SETBP1: variants seen among roughly 807,000 people sequenced by gnomAD.
SETBP1 encodes the protein SET-binding protein.
In SETBP1, 9 loss-of-function variants were observed where a neutral mutation model predicts 101.0. The ratio of observed to expected loss-of-function variants is 0.09; its 90% CI spans 0.05 to 0.16. The LOEUF (loss-of-function observed/expected upper bound fraction) is 0.16, where lower values mean the gene tolerates loss of function less well. Ranked by LOEUF, SETBP1 falls within the 10% of genes least tolerant of loss-of-function variation. The pLI is 1.00. For missense variants in SETBP1, 1,858 were observed against 2,033.8 expected (o/e 0.91, Z 1.66); for synonymous variants, 818 against 788.5 (o/e 1.04, Z -0.63).
At chr18:44,828,121 T>A (rs1414399176) in intron 2 of SETBP1, among the ~76,000 whole-genome samples, 2 of 152,208 alleles carry the variant, frequency 1.3e-5, no homozygotes, top group African/African-American at 4.8e-5. Flanking sequence ...AATATTGCCA[T>A]TGTTCAAACT....
intron 4 of SETBP1, among the ~76,000 whole-genome samples, chr18:45,009,279 G>T (rs574501295): frequency 6.6e-6 from 1 of 151,552 alleles, no homozygotes; most frequent in African/African-American, 2.4e-5. Flanking sequence ...CTGTGGCAAC[G>T]CAGTGTACGC....
intron 2 of SETBP1, among the ~76,000 whole-genome samples, chr18:44,744,992 A>G (rs1166636553): frequency 2.6e-5 from 4 of 152,056 alleles, no homozygotes; most frequent in Non-Finnish European, 4.4e-5. Flanking sequence ...GCTGGCGGGC[A>G]GGCTGTCCGG....
intron 5 of SETBP1, among the ~76,000 whole-genome samples, chr18:45,050,587 A>G (rs2073705602): frequency 6.6e-6 from 1 of 152,232 alleles, no homozygotes; most frequent in Admixed American, 6.5e-5. Flanking sequence ...TTCATGAGAC[A>G]ATCAGGAAAT....
At chr18:44,761,985 A>AT (rs1265745940) in intron 2 of SETBP1, among the ~76,000 whole-genome samples, 6 of 152,018 alleles carry the variant, frequency 3.9e-5, no homozygotes, top group African/African-American at 1.5e-4. Flanking sequence ...ACCTGGCCCC[A>AT]TTGTTGTACC....
At chr18:44,780,642 T>G (rs2071108526) in intron 2 of SETBP1, among the ~76,000 whole-genome samples, 1 of 152,240 alleles carries the variant, frequency 6.6e-6, no homozygotes, top group Non-Finnish European at 1.5e-5. Flanking sequence ...TTTGGAAAAC[T>G]GGCTGATTGC....
chr18:44,769,310 C>G (rs1380725659), intron 2 of SETBP1, among the ~76,000 whole-genome samples: 1 of 152,210 alleles, frequency 6.6e-6, no homozygotes. Flanking sequence ...TAGCCTGAAA[C>G]AAGTCTTTAC....
chr18:44,875,913 G>A (rs2069392676), intron 3 of SETBP1, among the ~76,000 whole-genome samples: 1 of 152,124 alleles, frequency 6.6e-6, no homozygotes, highest in Non-Finnish European at 1.5e-5. Flanking sequence ...AATTAGATTT[G>A]TCTCTACAGT....
At chr18:44,937,320 T>G (rs1032283209) in intron 3 of SETBP1, among the ~76,000 whole-genome samples, 6 of 150,824 alleles carry the variant, frequency 4.0e-5, no homozygotes, top group Non-Finnish European at 7.4e-5. Context: ...CCGGGCGTAG[T>G]GGCGGGCGCC....
chr18:44,812,019 G>C (rs1282035174), intron 2 of SETBP1, among the ~76,000 whole-genome samples: 1 of 152,186 alleles, frequency 6.6e-6, no homozygotes, highest in African/African-American at 2.4e-5. Flanking sequence ...CATCTGACTG[G>C]GTGGCCTGAG....
At position 44,950,183 on chromosome 18, in the gene SETBP1, C is replaced by A. The variant is rs770296814; in HGVS notation, c.843C>A (p.Asn281Lys). The change falls in exon 4 of 6, where the codon AAC becomes AAA. Residue 281 changes from asparagine to lysine, a missense_variant. Coordinates refer to ENST00000649279, the MANE Select transcript of SETBP1 (RefSeq NM_015559.3). ...CGTGGAGTCAGTTGTCTAACAATAA[C>A]AAAGATCTGCTCTTGGGAGGTGTGG... Reference protein sequence around the residue: ...GNTWSQLSNNNKDLLLGGVAP... With the variant: ...GNTWSQLSNNKKDLLLGGVAP... The A allele has an allele frequency of 5.0e-6, 8 of 1,613,788 alleles. No individual in the cohort carries two copies. The highest frequency in any genetic ancestry group is 6.8e-6 in the Non-Finnish European group (8 of 1,180,040).
intron 2 of SETBP1, among the ~76,000 whole-genome samples, chr18:44,714,745 G>T (rs1599024563): frequency 1.3e-5 from 2 of 151,894 alleles, no homozygotes; most frequent in South Asian, 4.2e-4. Context: ...GTAGGGTATA[G>T]AAAGATGTTG....
rs2071563569 is a variant in SETBP1 at position 44,799,788 on chromosome 18, AATACTT to A, written c.487-69441_487-69436del. On this transcript the variant is annotated intron_variant, in intron 2 of 5. Transcript: ENST00000649279. ...CCAGCATGGAGGAAGCTGGGAAAAC[AATACTT>A]CTGACCTCACTCACCTCCCTTTTGT... 2.6e-5 allele frequency among the ~76,000 whole-genome samples: 4 copies of A among 152,260 alleles called. 1 individual carries two copies. In the South Asian group the frequency reaches 8.3e-4, roughly 32 times the overall value.
intron 2 of SETBP1, among the ~76,000 whole-genome samples, chr18:44,746,350 A>G (rs1175628743): frequency 6.6e-6 from 1 of 152,252 alleles, no homozygotes; most frequent in Non-Finnish European, 1.5e-5. Flanking sequence ...GCACATAATA[A>G]GCACTCAATA....
At chr18:44,977,734 T>TGGCC (rs1319721890) in intron 4 of SETBP1, among the ~76,000 whole-genome samples, 2 of 152,234 alleles carry the variant, frequency 1.3e-5, no homozygotes, top group Non-Finnish European at 2.9e-5. Flanking sequence ...GAGGCCAATG[T>TGGCC]GGCCGATAAA....
intron 4 of SETBP1, among the ~76,000 whole-genome samples, chr18:44,997,091 G>C (rs1261838765): frequency 6.6e-6 from 1 of 152,186 alleles, no homozygotes; most frequent in African/African-American, 2.4e-5. Flanking sequence ...TGGACTAAGA[G>C]AGTTGAAGTG....
chr18:44,820,462 A>G (rs372632736), intron 2 of SETBP1, among the ~76,000 whole-genome samples: 14 of 152,128 alleles, frequency 9.2e-5, no homozygotes, highest in Admixed American at 5.9e-4. Flanking sequence ...AGCCTGGTGT[A>G]TGTCTCTGTC....
chr18:44,907,752 T>C (rs2070208937), intron 3 of SETBP1, among the ~76,000 whole-genome samples: 1 of 152,332 alleles, frequency 6.6e-6, no homozygotes. Context: ...ATAGAAGTCT[T>C]TATCAGATAT....
intron 2 of SETBP1, among the ~76,000 whole-genome samples, chr18:44,782,488 G>A (rs768434255): frequency 2.0e-5 from 3 of 152,124 alleles, no homozygotes; most frequent in Admixed American, 6.5e-5. Context: ...AAGCCAGGAG[G>A]AAAGATGAAG....
chr18:44,713,284 C>T (rs1383191463), intron 2 of SETBP1, among the ~76,000 whole-genome samples: 1 of 152,052 alleles, frequency 6.6e-6, no homozygotes, highest in Non-Finnish European at 1.5e-5. Flanking sequence ...GAACAAAACA[C>T]CCCTTTCCAA....
Sources: gnomAD v4.1 joint callset for allele counts (sites outside exome capture counted in the v4.1 genomes callset) on GRCh38, gnomAD v4.1.1 for gene constraint, MANE v1.5 for transcripts, NCBI Gene and HGNC (gene_info 2026-07-23, HGNC 2026-07-21) for gene names.